Variants in PRKN observed in about 807,000 individuals in gnomAD.
PRKN encodes the protein E3 ubiquitin-protein ligase parkin.
PRKN carries 56 observed loss-of-function variants against 59.5 expected under a neutral mutation model. That is an observed-to-expected ratio of 0.94 (90% CI 0.76 to 1.18). The LOEUF is 1.18. Ranked by LOEUF, PRKN falls within the 50% of genes most tolerant of loss-of-function variation. PRKN has a pLI of 0.00. For synonymous variants in PRKN, 250 were observed against 222.1 expected (o/e 1.13, Z -1.12); for missense variants, 657 against 596.4 (o/e 1.10, Z -1.06).
At chr6:162,518,434 C>T (rs779540064) in intron 1 of PRKN, among the ~76,000 whole-genome samples, 3 of 152,126 alleles carry the variant, frequency 2.0e-5, no homozygotes, top group Admixed American at 6.5e-5. Flanking sequence ...GGCGCAATCT[C>T]GGCTCACTGC....
intron 2 of PRKN, among the ~76,000 whole-genome samples, chr6:162,374,435 T>C (rs1278261856): frequency 6.6e-6 from 1 of 151,808 alleles, no homozygotes. Flanking sequence ...TGATATTTAG[T>C]ATGAGTGACT....
intron 9 of PRKN, among the ~76,000 whole-genome samples, chr6:161,524,449 G>A (rs988530014): frequency 1.3e-5 from 2 of 152,116 alleles, no homozygotes; most frequent in African/African-American, 4.8e-5. Context: ...GGGCTCAAGT[G>A]ATCCTCTTGC....
chr6:162,226,528 T>TTTTGTTTG (rs571010953), intron 3 of PRKN, among the ~76,000 whole-genome samples: 1 of 152,050 alleles, frequency 6.6e-6, no homozygotes, highest in Non-Finnish European at 1.5e-5. Flanking sequence ...ACACCAAGAA[T>TTTTGTTTG]TTTGTTTGTT....
intron 5 of PRKN, among the ~76,000 whole-genome samples, chr6:162,033,539 AT>A (rs1783720223): frequency 6.6e-6 from 1 of 152,182 alleles, no homozygotes; most frequent in South Asian, 2.1e-4. Flanking sequence ...GTTTAAAGGA[AT>A]TTTAAAGATC....
In PRKN at chr6:161,400,917, A is replaced by T. The variant is rs1345643947; in HGVS notation, c.1084-14040T>A. ...CACTGTGTCTGATTTACTTGTTTGC[A>T]CACTTTGTCAAATCTTGGACCAGGG... On this transcript the variant is annotated intron_variant, in intron 9 of 11. Coordinates refer to ENST00000366898, the MANE Select transcript of PRKN (RefSeq NM_004562.3). This position sits in a 1 kb window ranked among gnomAD's most constrained non-coding sequence, Gnocchi z 4.2. 3.3e-5 allele frequency among the ~76,000 whole-genome samples: 5 copies of T among 152,222 alleles called. No individual in the cohort carries two copies. The highest frequency in any genetic ancestry group is 4.8e-5 in the African/African-American group (2 of 41,456).
chr6:161,407,374 A>T lies in PRKN; in HGVS notation c.1084-20497T>A, dbSNP rs56279133. On this transcript the variant is annotated intron_variant, in intron 9 of 11. Transcript: ENST00000366898. The surrounding 1 kb of genome is among the most constrained non-coding windows in gnomAD (Gnocchi z 4.9). The stretch of plus-strand genomic sequence containing the variant: ...CTGCACTCGGTGGGAGGCTCTGCAC[A>T]CTGGCACAATTGTTTGCTGGGAGGT... 0.027 allele frequency among the ~76,000 whole-genome samples: 4,152 copies of T among 152,136 alleles called. 206 individuals are homozygous for T. The highest frequency in any genetic ancestry group is 0.096 in the African/African-American group (3,997 of 41,464).
intron 1 of PRKN, among the ~76,000 whole-genome samples, chr6:162,483,842 G>T (rs1406745304): frequency 1.3e-5 from 2 of 152,184 alleles, no homozygotes; most frequent in African/African-American, 4.8e-5. Flanking sequence ...TTGCAAGATT[G>T]CTTATAACAG....
At chr6:162,372,788 G>T in intron 2 of PRKN, among the ~76,000 whole-genome samples, 1 of 152,078 alleles carries the variant, frequency 6.6e-6, no homozygotes, top group Non-Finnish European at 1.5e-5. Context: ...TTAAGAAGGG[G>T]ACTTTGCAGT....
intron 1 of PRKN, among the ~76,000 whole-genome samples, chr6:162,666,267 T>C (rs1285095554): frequency 6.6e-6 from 1 of 152,142 alleles, no homozygotes; most frequent in Non-Finnish European, 1.5e-5. Flanking sequence ...TGAGGATCAT[T>C]ATAATGGTAT....
chr6:162,391,281 T>C (rs1156300645), intron 2 of PRKN, among the ~76,000 whole-genome samples: 1 of 151,872 alleles, frequency 6.6e-6, no homozygotes, highest in Admixed American at 6.6e-5. Context: ...AAATCTGCAA[T>C]GACTTCCTCC....
intron 10 of PRKN, among the ~76,000 whole-genome samples, chr6:161,367,089 C>A (rs1462592708): frequency 6.2e-5 from 9 of 144,510 alleles, no homozygotes. Flanking sequence ...CTCCCGGGTT[C>A]ACGCCATTCT....
intron 3 of PRKN, among the ~76,000 whole-genome samples, chr6:162,259,096 A>G (rs1181625050): frequency 6.6e-6 from 1 of 152,174 alleles, no homozygotes; most frequent in Non-Finnish European, 1.5e-5. Flanking sequence ...GATTTCTTTT[A>G]ATCTCTTTTT....
At chr6:161,863,832 A>G (rs1352907796) in intron 6 of PRKN, among the ~76,000 whole-genome samples, 2 of 152,200 alleles carry the variant, frequency 1.3e-5, no homozygotes, top group Non-Finnish European at 2.9e-5. Flanking sequence ...AGTGAGTCCC[A>G]TGAATGTTTT....
chr6:162,691,339 ATACAT>A (rs1250631966), intron 1 of PRKN, among the ~76,000 whole-genome samples: 1 of 152,226 alleles, frequency 6.6e-6, no homozygotes, highest in African/African-American at 2.4e-5. Context: ...TTAGTTAAAA[ATACAT>A]TACACCATCT....
intron 7 of PRKN, among the ~76,000 whole-genome samples, chr6:161,729,393 C>T (rs1247725798): frequency 6.6e-6 from 1 of 151,486 alleles, no homozygotes; most frequent in Admixed American, 6.6e-5. Flanking sequence ...TTTTTTTGCG[C>T]ATGTGTGTAA....
At chr6:162,603,977 G>A (rs1781806214) in intron 1 of PRKN, among the ~76,000 whole-genome samples, 1 of 152,166 alleles carries the variant, frequency 6.6e-6, no homozygotes, top group Admixed American at 6.5e-5. Flanking sequence ...CTGCGAGGAT[G>A]GATACCAAGC....
chr6:161,714,143 T>G (rs966782636), intron 7 of PRKN, among the ~76,000 whole-genome samples: 4 of 152,156 alleles, frequency 2.6e-5, no homozygotes, highest in Non-Finnish European at 5.9e-5. Flanking sequence ...CAAAATACAC[T>G]GTAATTCAAT....
At chr6:161,524,013 A>AT (rs77742735) in intron 9 of PRKN, among the ~76,000 whole-genome samples, 1 of 152,236 alleles carries the variant, frequency 6.6e-6, no homozygotes, top group Non-Finnish European at 1.5e-5. Context: ...AATTAAAAAA[A>AT]TTTTTTTTCC....
At chr6:162,134,328 G>T (rs2128308767) in intron 4 of PRKN, among the ~76,000 whole-genome samples, 1 of 152,260 alleles carries the variant, frequency 6.6e-6, no homozygotes, top group South Asian at 2.1e-4. Flanking sequence ...CAGACTTTGG[G>T]TTAAAGGAAA....
Sources: gnomAD v4.1 joint callset for allele counts (sites outside exome capture counted in the v4.1 genomes callset) on GRCh38, gnomAD v4.1.1 for gene constraint, Gnocchi (gnomAD v3.1) non-coding constraint, MANE v1.5 for transcripts, NCBI Gene and HGNC (gene_info 2026-07-23, HGNC 2026-07-21) for gene names.